Variants in ZNF804A observed in about 807,000 individuals in gnomAD.
ZNF804A encodes zinc finger protein 804A.
A neutral mutation model predicts 16.5 loss-of-function variants in ZNF804A; 2 were observed. The ratio of observed to expected loss-of-function variants is 0.12; its 90% CI spans 0.05 to 0.38. ZNF804A has a LOEUF of 0.38. ZNF804A is among the 10% of genes least tolerant of loss of function. The pLI is 0.99. For synonymous variants in ZNF804A, 534 were observed against 489.6 expected, an observed-to-expected ratio of 1.09 and a Z score of -1.20; for missense variants, 1,473 against 1,390.7, an observed-to-expected ratio of 1.06 and a Z score of -0.94.
chr2:184,631,206 C>T (rs1238783472), intron 1 of ZNF804A, among the ~76,000 whole-genome samples: 2 of 152,024 alleles, frequency 1.3e-5, no homozygotes, highest in East Asian at 1.9e-4. Context: ...TGTCTCCAGA[C>T]AGTGAAAGCA....
intron 1 of ZNF804A, among the ~76,000 whole-genome samples, chr2:184,706,416 C>T (rs571072388): frequency 2.6e-5 from 4 of 152,092 alleles, no homozygotes; most frequent in East Asian, 1.9e-4. Context: ...GGCAGTACAG[C>T]GAAAGTGCAG....
intron 1 of ZNF804A, among the ~76,000 whole-genome samples, chr2:184,804,481 G>A (rs1319627334): frequency 6.6e-6 from 1 of 152,180 alleles, no homozygotes; most frequent in African/African-American, 2.4e-5. Flanking sequence ...TTTTAGAAAT[G>A]CAGAATCTCA....
intron 1 of ZNF804A, among the ~76,000 whole-genome samples, chr2:184,806,830 A>T (rs986209750): frequency 2.6e-5 from 4 of 151,858 alleles, no homozygotes. Context: ...CTTTTCTAAA[A>T]GAAAAAATTA....
At chr2:184,811,923 T>C (rs541420102) in intron 1 of ZNF804A, among the ~76,000 whole-genome samples, 2 of 152,304 alleles carry the variant, frequency 1.3e-5, no homozygotes, top group East Asian at 3.9e-4. Flanking sequence ...AAAGTTGTTA[T>C]TATTTTAGAA....
chr2:184,885,366 C>T (rs1482855823), intron 2 of ZNF804A, among the ~76,000 whole-genome samples: 3 of 152,148 alleles, frequency 2.0e-5, no homozygotes, highest in Non-Finnish European at 4.4e-5. Context: ...TATAAACCTT[C>T]TACTATAAAC....
At chr2:184,858,136 T>C (rs72905777) in intron 1 of ZNF804A, among the ~76,000 whole-genome samples, 7,644 of 152,166 alleles carry the variant, frequency 0.05, 254 homozygotes, top group Middle Eastern at 0.078. Context: ...ATCTATTATG[T>C]ATTTTTGCTT....
chr2:184,667,187 TTC>T (rs1692267725), intron 1 of ZNF804A, among the ~76,000 whole-genome samples: 1 of 151,944 alleles, frequency 6.6e-6, no homozygotes, highest in South Asian at 2.1e-4. Context: ...CTTTAAGACA[TTC>T]TTACTGTTTT....
chr2:184,773,094 A>C (rs1694241829), intron 1 of ZNF804A, among the ~76,000 whole-genome samples: 1 of 150,490 alleles, frequency 6.6e-6, no homozygotes, highest in Non-Finnish European at 1.5e-5. Context: ...GGCCTGTTAA[A>C]ATGTATTGAG....
intron 1 of ZNF804A, among the ~76,000 whole-genome samples, chr2:184,800,662 C>T (rs72903769): frequency 0.05 from 7,623 of 151,310 alleles, 250 homozygotes; most frequent in Middle Eastern, 0.078. Context: ...TTTTAGAGTT[C>T]GTAATCTAAA....
intron 1 of ZNF804A, among the ~76,000 whole-genome samples, chr2:184,626,559 C>G (rs549437136): frequency 1.3e-5 from 2 of 152,068 alleles, no homozygotes; most frequent in Admixed American, 6.5e-5. Flanking sequence ...AGACATATAC[C>G]TCAGTGCTCA....
At chr2:184,652,034 C>T (rs1178323865) in intron 1 of ZNF804A, among the ~76,000 whole-genome samples, 1 of 152,074 alleles carries the variant, frequency 6.6e-6, no homozygotes, top group Admixed American at 6.6e-5. Context: ...ATGCAATCAA[C>T]ATTGGTACCT....
intron 1 of ZNF804A, among the ~76,000 whole-genome samples, chr2:184,639,895 G>A (rs865882220): frequency 6.6e-6 from 1 of 152,094 alleles, no homozygotes; most frequent in Admixed American, 6.5e-5. Flanking sequence ...CCAGTTACTC[G>A]GGAGACTGAG....
At chr2:184,832,402 T>A (rs1415048549) in intron 1 of ZNF804A, among the ~76,000 whole-genome samples, 2 of 152,094 alleles carry the variant, frequency 1.3e-5, no homozygotes, top group African/African-American at 4.8e-5. Flanking sequence ...TCTTCATGAA[T>A]ATTTCTGTTA....
chr2:184,801,914 G>A (rs1187514492), intron 1 of ZNF804A, among the ~76,000 whole-genome samples: 1 of 152,146 alleles, frequency 6.6e-6, no homozygotes, highest in African/African-American at 2.4e-5. Context: ...TGCCTTTAGT[G>A]TGAGGTTTTA....
chr2:184,761,406 T>C (rs1694034801), intron 1 of ZNF804A, among the ~76,000 whole-genome samples: 1 of 152,146 alleles, frequency 6.6e-6, no homozygotes, highest in South Asian at 2.1e-4. Flanking sequence ...AGGCTCAAAC[T>C]TGAAGCTTAC....
At chr2:184,903,131 T>C (rs529123759) in intron 2 of ZNF804A, among the ~76,000 whole-genome samples, 2 of 152,252 alleles carry the variant, frequency 1.3e-5, no homozygotes, top group East Asian at 3.9e-4. Context: ...TATACTCTTC[T>C]AGTTTTATCA....
At chr2:184,647,046 T>C (rs971012662) in intron 1 of ZNF804A, among the ~76,000 whole-genome samples, 2 of 152,106 alleles carry the variant, frequency 1.3e-5, no homozygotes, top group Non-Finnish European at 2.9e-5. Flanking sequence ...CTCTTACTTA[T>C]AAAAACCATC....
chr2:184,709,371 A>C (rs1227173703), intron 1 of ZNF804A, among the ~76,000 whole-genome samples: 1 of 152,096 alleles, frequency 6.6e-6, no homozygotes, highest in Non-Finnish European at 1.5e-5. Flanking sequence ...AATTGCATTT[A>C]TATACTTTAA....
chr2:184,638,902 T>C (rs775375440), intron 1 of ZNF804A, among the ~76,000 whole-genome samples: 4 of 152,114 alleles, frequency 2.6e-5, no homozygotes, highest in Non-Finnish European at 4.4e-5. Flanking sequence ...AAGGTTGATA[T>C]AGGGAAGCAG....
Sources: gnomAD v4.1 joint callset for allele counts (sites outside exome capture counted in the v4.1 genomes callset) on GRCh38, gnomAD v4.1.1 for gene constraint, MANE v1.5 for transcripts, NCBI Gene and HGNC (gene_info 2026-07-23, HGNC 2026-07-21) for gene names.